Variants in MYPN observed in about 807,000 individuals in gnomAD.
The protein encoded by MYPN is myopalladin, also known as sarcomeric protein myopalladin, 145 kDa (MYOP).
MYPN carries 63 observed loss-of-function variants against 129.4 expected under a neutral mutation model. The observed-to-expected ratio is 0.49, with a 90% CI of 0.40 to 0.60. The LOEUF (loss-of-function observed/expected upper bound fraction) is 0.60. MYPN is among the 20% of genes least tolerant of loss of function. The pLI is 0.00. For synonymous variants in MYPN, 629 were observed against 600.9 expected (o/e 1.05, Z -0.68); for missense variants, 1,596 against 1,635.4 (o/e 0.98, Z 0.42).
At chr10:68,139,907 A>G (rs2042548406) in intron 2 of MYPN, among the ~76,000 whole-genome samples, 1 of 152,238 alleles carries the variant, frequency 6.6e-6, no homozygotes, top group South Asian at 2.1e-4. Flanking sequence ...TTTGCAGTCT[A>G]GTGAAGGGAG....
At chr10:68,127,783 G>T (rs562214481) in intron 2 of MYPN, among the ~76,000 whole-genome samples, 16 of 152,182 alleles carry the variant, frequency 1.1e-4, no homozygotes, top group Middle Eastern at 3.4e-3. Flanking sequence ...TGATTCAGAG[G>T]ATTTCCTTAA....
chr10:68,133,089 G>A (rs1164663484), intron 2 of MYPN, among the ~76,000 whole-genome samples: 3 of 140,952 alleles, frequency 2.1e-5, no homozygotes, highest in Non-Finnish European at 4.5e-5. Context: ...GCAGTGGCAT[G>A]ATCTCGACTC....
chr10:68,088,005 C>G (rs1244593533), intron 1 of MYPN, among the ~76,000 whole-genome samples: 3 of 152,150 alleles, frequency 2.0e-5, no homozygotes, highest in Admixed American at 6.5e-5. Flanking sequence ...AAGGTCCTCC[C>G]TCAAAATTCA....
chr10:68,209,867 G>A (rs1215077525), intron 19 of MYPN, among the ~76,000 whole-genome samples: 2 of 151,844 alleles, frequency 1.3e-5, no homozygotes, highest in South Asian at 2.1e-4. Context: ...GCTAATTTTT[G>A]TATTTAGTAG....
At chr10:68,154,823 C>T (rs1474431816) in intron 6 of MYPN, among the ~76,000 whole-genome samples, 1 of 152,184 alleles carries the variant, frequency 6.6e-6, no homozygotes, top group East Asian at 1.9e-4. Context: ...TTTCAACTCA[C>T]GTTTATAGCA....
intron 1 of MYPN, among the ~76,000 whole-genome samples, chr10:68,118,686 T>G (rs893652117): frequency 6.6e-6 from 1 of 151,932 alleles, no homozygotes; most frequent in Non-Finnish European, 1.5e-5. Context: ...ATTTAAATAT[T>G]AGCCAGGTGT....
chr10:68,150,220 T>C (rs550818782), intron 6 of MYPN, 109 bp downstream of exon 6: 2 of 965,166 alleles, frequency 2.1e-6, no homozygotes, highest in African/African-American at 1.6e-5. Flanking sequence ...GTCTTCTGTA[T>C]GTACGGTATA....
chr10:68,120,996 G>T (rs998565090), intron 1 of MYPN, among the ~76,000 whole-genome samples: 2 of 152,064 alleles, frequency 1.3e-5, no homozygotes, highest in Non-Finnish European at 2.9e-5. Context: ...TTTGTAAAAG[G>T]GGGAGGGCAC....
intron 12 of MYPN, among the ~76,000 whole-genome samples, chr10:68,185,241 A>T (rs958637296): frequency 6.6e-6 from 1 of 151,648 alleles, no homozygotes; most frequent in Non-Finnish European, 1.5e-5. Flanking sequence ...AAGGAAAGGA[A>T]AGGAAAGGAA....
chr10:68,088,945 T>C (rs2041918555), intron 1 of MYPN, among the ~76,000 whole-genome samples: 1 of 152,174 alleles, frequency 6.6e-6, no homozygotes, highest in African/African-American at 2.4e-5. Context: ...AGGAAACCAT[T>C]AATCTACTTT....
intron 2 of MYPN, among the ~76,000 whole-genome samples, chr10:68,139,564 C>T (rs2042541788): frequency 6.6e-6 from 1 of 152,108 alleles, no homozygotes; most frequent in South Asian, 2.1e-4. Flanking sequence ...AATCGGACAT[C>T]CAGTATTTGA....
intron 1 of MYPN, among the ~76,000 whole-genome samples, chr10:68,098,460 C>A (rs1190306495): frequency 6.6e-6 from 1 of 152,084 alleles, no homozygotes; most frequent in African/African-American, 2.4e-5. Context: ...GATTGGTGAA[C>A]AAATGACAAA....
In MYPN at chr10:68,166,500, C is replaced by A. The variant is rs781086635; in HGVS notation, c.1807C>A (p.Pro603Thr). Reference sequence around the variant, plus strand: ...TGGGCTTCGTGTGCACTTCAACCTGCCTGAAGATGACAAAGGAAGTGAAGC... The same window carrying A: ...TGGGCTTCGTGTGCACTTCAACCTGACTGAAGATGACAAAGGAAGTGAAGC... The part of the protein sequence containing the change: ...RIGLRVHFNL[P>T]EDDKGSEASS... Residue 603 changes from proline to threonine, a missense_variant, in exon 10 of 20, where the codon CCT (proline) becomes ACT (threonine). Coordinates refer to ENST00000358913, the MANE Select transcript of MYPN (RefSeq NM_032578.4). 3 of 1,614,134 alleles carry A rather than the reference C, an allele frequency of 1.9e-6. No homozygotes were observed.
intron 12 of MYPN, among the ~76,000 whole-genome samples, chr10:68,178,490 G>T (rs975281569): frequency 6.6e-6 from 1 of 151,912 alleles, no homozygotes; most frequent in African/African-American, 2.4e-5. Context: ...CGAGACAGGC[G>T]GATCACTTGA....
intron 1 of MYPN, among the ~76,000 whole-genome samples, chr10:68,111,397 T>C (rs2042079794): frequency 6.6e-6 from 1 of 152,198 alleles, no homozygotes; most frequent in Admixed American, 6.5e-5. Flanking sequence ...ACAATTAATT[T>C]TTTTTTCATT....
At chr10:68,164,762 CAG>C (rs1391171759) in intron 8 of MYPN, among the ~76,000 whole-genome samples, 1 of 152,150 alleles carries the variant, frequency 6.6e-6, no homozygotes, top group African/African-American at 2.4e-5. Context: ...TAGTTATTCA[CAG>C]AGAATCATCG....
At chr10:68,208,871 A>C (rs142438654) in intron 19 of MYPN, among the ~76,000 whole-genome samples, 84 of 152,224 alleles carry the variant, frequency 5.5e-4, no homozygotes, top group African/African-American at 1.9e-3. Context: ...TAGGAAATGC[A>C]GTAGTCCAGT....
At chr10:68,157,239 T>A (rs2042890941) in intron 6 of MYPN, among the ~76,000 whole-genome samples, 1 of 152,230 alleles carries the variant, frequency 6.6e-6, no homozygotes, top group Non-Finnish European at 1.5e-5. Context: ...TAAGATTTTA[T>A]AAAGATTGTG....
intron 18 of MYPN, among the ~76,000 whole-genome samples, chr10:68,203,701 A>ACC (rs2043758702): frequency 2.5e-5 from 1 of 39,830 alleles, no homozygotes; most frequent in Non-Finnish European, 9.0e-5. Context: ...ACACACACAC[A>ACC]CACACACACA....
Sources: gnomAD v4.1 joint callset for allele counts (sites outside exome capture counted in the v4.1 genomes callset) on GRCh38, gnomAD v4.1.1 for gene constraint, MANE v1.5 for transcripts, NCBI Gene and HGNC (gene_info 2026-07-23, HGNC 2026-07-21) for gene names.